The following DOCK4 variants were observed in gnomAD, a reference collection of about 807,000 sequenced individuals.
DOCK4 encodes dedicator of cytokinesis 4, also known as dedicator of cytokinesis protein 4.
In DOCK4, 97 loss-of-function variants were observed where a neutral mutation model predicts 268.1. That is an observed-to-expected ratio of 0.36 (90% CI 0.31 to 0.43). DOCK4 has a LOEUF of 0.43. DOCK4 is among the 20% of genes least tolerant of loss of function. DOCK4 has a pLI of 1.00. For synonymous variants in DOCK4, 954 were observed against 887.2 expected (o/e 1.08, Z -1.34); for missense variants, 2,145 against 2,455.7 (o/e 0.87, Z 2.67).
chr7:111,837,625 G>T (rs1378673510), intron 25 of DOCK4, among the ~76,000 whole-genome samples: 1 of 151,948 alleles, frequency 6.6e-6, no homozygotes, highest in East Asian at 1.9e-4. Flanking sequence ...ATCAGAAATT[G>T]AAATTTAAAA....
chr7:111,946,139 G>A (rs576214339), intron 8 of DOCK4, among the ~76,000 whole-genome samples: 8 of 152,278 alleles, frequency 5.3e-5, no homozygotes, highest in African/African-American at 1.9e-4. Context: ...CATGTTTCAT[G>A]TGTCTGTAAC....
chr7:112,103,303 T>C (rs940266106), intron 1 of DOCK4, among the ~76,000 whole-genome samples: 3 of 152,190 alleles, frequency 2.0e-5, no homozygotes, highest in African/African-American at 7.2e-5. Context: ...ATAATTTTTC[T>C]AACAAGACAG....
chr7:112,127,005 C>T (rs1813280490), intron 1 of DOCK4, among the ~76,000 whole-genome samples: 1 of 151,998 alleles, frequency 6.6e-6, no homozygotes, highest in South Asian at 2.1e-4. Flanking sequence ...AGTGTGGCCA[C>T]TCCTCAGGGA....
chr7:111,933,343 G>A (rs193125776), intron 12 of DOCK4, among the ~76,000 whole-genome samples: 1,530 of 139,048 alleles, frequency 0.011, 39 homozygotes, highest in African/African-American at 0.04. Context: ...TCGCCAGGCT[G>A]GAGTGCAGTG....
At chr7:111,766,341 C>CT (rs1008783803) in intron 38 of DOCK4, among the ~76,000 whole-genome samples, 11 of 151,920 alleles carry the variant, frequency 7.2e-5, no homozygotes, top group Admixed American at 1.3e-4. Context: ...ATATTGTACT[C>CT]TTTTTTTTAA....
In DOCK4 at chr7:111,849,201, A is replaced by G. The variant is rs151186405; in HGVS notation, c.2474-2075T>C. ...AATGCCAAGGACCTGAACATCTCAC[A>G]CTCAAGACCCTTATTCTGGTAACAG... On this transcript the variant is annotated intron_variant, in intron 23 of 52. Coordinates refer to ENST00000428084, the MANE Select transcript of DOCK4 (RefSeq NM_001363540.2). 2.1e-3 allele frequency among the ~76,000 whole-genome samples: 314 copies of G among 150,074 alleles called. 4 individuals are homozygous for G. The highest frequency in any genetic ancestry group is 7.3e-3 in the African/African-American group (299 of 40,750).
At chr7:112,175,296 A>G (rs1208900268) in intron 1 of DOCK4, among the ~76,000 whole-genome samples, 1 of 152,210 alleles carries the variant, frequency 6.6e-6, no homozygotes, top group African/African-American at 2.4e-5. Context: ...TCTAAAATGT[A>G]TCCACTGAAT....
At chr7:112,078,231 T>G (rs1463369911) in intron 1 of DOCK4, among the ~76,000 whole-genome samples, 1 of 152,196 alleles carries the variant, frequency 6.6e-6, no homozygotes, top group East Asian at 1.9e-4. Flanking sequence ...CATCTAAATC[T>G]GAGCTTTCCT....
chr7:111,751,589 C>G (rs572866167), intron 42 of DOCK4, among the ~76,000 whole-genome samples: 1 of 152,002 alleles, frequency 6.6e-6, no homozygotes, highest in African/African-American at 2.4e-5. Flanking sequence ...GGATTACAGG[C>G]GTGATCCACC....
chr7:111,837,532 G>A (rs1222551013), intron 25 of DOCK4, among the ~76,000 whole-genome samples: 2 of 152,230 alleles, frequency 1.3e-5, no homozygotes, highest in Admixed American at 6.5e-5. Flanking sequence ...AGAGCTACTG[G>A]AACTAATTGA....
intron 1 of DOCK4, among the ~76,000 whole-genome samples, chr7:112,080,059 T>C (rs958758440): frequency 1.2e-4 from 18 of 152,070 alleles, no homozygotes; most frequent in African/African-American, 3.9e-4. Flanking sequence ...TAATTTCTAT[T>C]AGAGGAACTA....
intron 1 of DOCK4, among the ~76,000 whole-genome samples, chr7:112,036,864 T>C (rs982394345): frequency 1.3e-5 from 2 of 152,082 alleles, no homozygotes; most frequent in Non-Finnish European, 2.9e-5. Context: ...TTTCACTATG[T>C]TGGCCAAGCT....
At chr7:111,789,842 C>G (rs1799412224) in intron 31 of DOCK4, among the ~76,000 whole-genome samples, 1 of 152,096 alleles carries the variant, frequency 6.6e-6, no homozygotes, top group South Asian at 2.1e-4. Flanking sequence ...CTACTATCTC[C>G]AAATTGAAGG....
Position 111,950,223 on chromosome 7 carries a change from G to A in DOCK4, c.702-4425C>T, listed in dbSNP as rs139957566. ...ATTACAGGCATAAGCCACCGTGCCT[G>A]GCCAATAATATTGCATTCTGGCACA... On this transcript the variant is annotated intron_variant, in intron 8 of 52. Coordinates refer to ENST00000428084, the MANE Select transcript of DOCK4 (RefSeq NM_001363540.2). Among the ~76,000 whole-genome samples the A allele has an allele frequency of 6.7e-3, 1,025 of 152,228 alleles. 14 individuals are homozygous for A. The highest frequency in any genetic ancestry group is 0.023 in the African/African-American group (966 of 41,534).
At chr7:111,935,144 C>T (rs934601557) in intron 12 of DOCK4, among the ~76,000 whole-genome samples, 1 of 151,832 alleles carries the variant, frequency 6.6e-6, no homozygotes, top group African/African-American at 2.4e-5. Context: ...GACGGGGTTT[C>T]ACTGTGTTGG....
chr7:112,029,897 T>G (rs1803128724), intron 1 of DOCK4, among the ~76,000 whole-genome samples: 1 of 152,194 alleles, frequency 6.6e-6, no homozygotes. Context: ...TTCATGACAA[T>G]TAAATAGCTA....
intron 50 of DOCK4, among the ~76,000 whole-genome samples, chr7:111,735,596 G>A (rs1305639516): frequency 6.6e-6 from 1 of 152,190 alleles, no homozygotes; most frequent in Non-Finnish European, 1.5e-5. Context: ...GAATTCTTGG[G>A]AAAGAACAGC....
chr7:111,990,261 C>A (rs890342987), intron 5 of DOCK4, among the ~76,000 whole-genome samples: 3 of 152,092 alleles, frequency 2.0e-5, no homozygotes, highest in Non-Finnish European at 4.4e-5. Context: ...TGTTTCTTCC[C>A]CAAAACCAAA....
intron 1 of DOCK4, among the ~76,000 whole-genome samples, chr7:112,118,961 C>T (rs1233739682): frequency 6.6e-6 from 1 of 152,120 alleles, no homozygotes; most frequent in Non-Finnish European, 1.5e-5. Context: ...ACATATAGCT[C>T]GTACGCATCT....
Sources: gnomAD v4.1 joint callset for allele counts (sites outside exome capture counted in the v4.1 genomes callset) on GRCh38, gnomAD v4.1.1 for gene constraint, MANE v1.5 for transcripts, NCBI Gene and HGNC (gene_info 2026-07-23, HGNC 2026-07-21) for gene names.